Variants in PIGN observed in about 807,000 individuals in gnomAD.
PIGN encodes the protein GPI ethanolamine phosphate transferase 1.
In PIGN, 117 loss-of-function variants were observed where a neutral mutation model predicts 125.4. The ratio of observed to expected loss-of-function variants is 0.93; its 90% CI spans 0.80 to 1.09. The LOEUF (loss-of-function observed/expected upper bound fraction) is 1.09, where lower values mean the gene tolerates loss of function less well. Among genes scored for constraint, PIGN ranks in the 50% least tolerant of loss-of-function variants. The pLI, the probability that PIGN is intolerant of heterozygous loss-of-function variation, is 0.00. For synonymous variants in PIGN, 392 were observed against 377.8 expected, an observed-to-expected ratio of 1.04 and a Z score of -0.44; for missense variants, 1,075 against 1,094.9, an observed-to-expected ratio of 0.98 and a Z score of 0.26.
rs116724900 is a variant in PIGN at position 62,054,972 on chromosome 18, T to C, written c.2673-8993A>G. On this transcript the variant is annotated intron_variant, in intron 30 of 30. Coordinates refer to ENST00000640252, the MANE Select transcript of PIGN (RefSeq NM_176787.5). ...AAGTGTTCAACATCATTAACTATTATGCAAGTTGAAGCCAAAATGAGATAT... is the reference window on the plus strand; with the variant it reads ...AAGTGTTCAACATCATTAACTATTACGCAAGTTGAAGCCAAAATGAGATAT... Among the ~76,000 whole-genome samples, 151 of 152,322 alleles carry C rather than the reference T, an allele frequency of 9.9e-4. 1 individual carries two copies. Among genetic ancestry groups the C allele is most frequent in the African/African-American group, 3.5e-3 (144 of 41,572 alleles).
chr18:62,132,306 C>G (rs890257887), intron 14 of PIGN, among the ~76,000 whole-genome samples: 1 of 152,040 alleles, frequency 6.6e-6, no homozygotes, highest in Admixed American at 6.6e-5. Context: ...TCTGATAACA[C>G]CAAACATTAA....
In PIGN at chr18:62,164,877, T is replaced by C. The variant is rs141477751; in HGVS notation, c.-235-1221A>G. 1.6e-3 allele frequency among the ~76,000 whole-genome samples: 239 copies of C among 152,298 alleles called. 1 individual carries two copies. Among genetic ancestry groups the C allele is most frequent in the African/African-American group, 5.4e-3 (223 of 41,564 alleles). On this transcript the variant is annotated intron_variant, in intron 1 of 30. Transcript: ENST00000640252. ...AATAGGCCAAGAAAGAGATTATTGT[T>C]GATTAGTATAAATTAGTGCAGTGGA...
intron 30 of PIGN, among the ~76,000 whole-genome samples, chr18:62,068,077 G>T (rs897608849): frequency 4.7e-4 from 71 of 151,072 alleles, no homozygotes; most frequent in Non-Finnish European, 3.4e-4. Context: ...ATATATCATA[G>T]CAATGAAATT....
At chr18:62,113,556 C>T (rs534921309) in intron 15 of PIGN, among the ~76,000 whole-genome samples, 39 of 152,104 alleles carry the variant, frequency 2.6e-4, no homozygotes, top group African/African-American at 8.9e-4. Flanking sequence ...TAAATGTAAA[C>T]TATTTGTGTT....
At chr18:62,156,947 T>C (rs917645486) in intron 6 of PIGN, among the ~76,000 whole-genome samples, 182 bp downstream of exon 6, 1 of 151,986 alleles carries the variant, frequency 6.6e-6, no homozygotes, top group Non-Finnish European at 1.5e-5. Context: ...TGTGCCAATA[T>C]CTCAAGTATA....
intron 30 of PIGN, among the ~76,000 whole-genome samples, chr18:62,063,734 A>T (rs2032336794): frequency 6.6e-6 from 1 of 150,534 alleles, no homozygotes; most frequent in Non-Finnish European, 1.5e-5. Context: ...TACACCATGG[A>T]ATACTATGCA....
intron 10 of PIGN, among the ~76,000 whole-genome samples, chr18:62,144,083 G>C (rs1242987755): frequency 6.6e-6 from 1 of 152,042 alleles, no homozygotes; most frequent in Non-Finnish European, 1.5e-5. Context: ...CTAATCAGTT[G>C]ATGAAAAAAT....
At chr18:62,020,473 G>A (rs988483398) in intron 23 of PIGN, among the ~76,000 whole-genome samples, 2 of 150,964 alleles carry the variant, frequency 1.3e-5, no homozygotes, top group Non-Finnish European at 2.9e-5. Context: ...AAATGACAGA[G>A]ATGATGGGAT....
At chr18:62,150,109 G>A (rs772183273) in intron 7 of PIGN, among the ~76,000 whole-genome samples, 1 of 152,066 alleles carries the variant, frequency 6.6e-6, no homozygotes, top group East Asian at 1.9e-4. Flanking sequence ...AGCCTCCCAA[G>A]TAGCTGGGAT....
At chr18:62,032,372 T>C (rs2030204335) in intron 23 of PIGN, among the ~76,000 whole-genome samples, 1 of 152,242 alleles carries the variant, frequency 6.6e-6, no homozygotes, top group African/African-American at 2.4e-5. Context: ...AAGCTCTTCA[T>C]CCTTCTGCTT....
Position 62,138,279 on chromosome 18 carries a change from T to C in PIGN, c.1136A>G (p.Lys379Arg), listed in dbSNP as rs2036008120. 6.5e-7 allele frequency: 1 copy of C among 1,545,890 alleles called. No individual in the cohort carries two copies. Among genetic ancestry groups the C allele is most frequent in the Non-Finnish European group, 8.7e-7 (1 of 1,144,438 alleles). ...AAACAAAAATGGTAAAGTAACTTCT[T>C]TCTTCTGAGTCATTTTCACCTGGGA... ...EQFKVKMTQK[K>R]EVTLPFLFTP... is the part of the protein sequence containing the mutation. The change falls in exon 14 of 31, where the codon AAA (lysine) becomes AGA (arginine). Residue 379 changes from lysine (K) to arginine (R), a missense_variant. Lys to Arg is a conservative substitution (Grantham distance 26). This residue lies in a region of PIGN where 915 missense variants were observed against 908.7 expected (regional missense o/e 1.01). Coordinates refer to ENST00000640252, the MANE Select transcript of PIGN (RefSeq NM_176787.5).
chr18:62,088,643 G>A (rs187555710), intron 25 of PIGN, 113 bp downstream of exon 25: 19 of 663,490 alleles, frequency 2.9e-5, no homozygotes, highest in East Asian at 5.7e-5. Context: ...AGTTCAGGGA[G>A]GTTAAAGTAC....
intron 30 of PIGN, among the ~76,000 whole-genome samples, chr18:62,055,308 C>T (rs2031635887): frequency 6.6e-6 from 1 of 152,156 alleles, no homozygotes; most frequent in South Asian, 2.1e-4. Flanking sequence ...CATGGATTTA[C>T]TCAGCAATAA....
intron 1 of PIGN, among the ~76,000 whole-genome samples, chr18:62,181,896 T>C (rs1315685533): frequency 6.6e-6 from 1 of 152,038 alleles, no homozygotes; most frequent in African/African-American, 2.4e-5. Context: ...CCAGGTAATT[T>C]TGTATTTTTA....
intron 1 of PIGN, among the ~76,000 whole-genome samples, chr18:62,180,276 T>A (rs1375514332): frequency 6.6e-6 from 1 of 152,192 alleles, no homozygotes; most frequent in Admixed American, 6.5e-5. Context: ...AAAGTGTGTT[T>A]TTTTCCTGTG....
Position 62,143,361 on chromosome 18 carries a change from C to T in PIGN, c.923-15G>A, listed in dbSNP as rs1339872022. 1 of 1,470,488 alleles carries T rather than the reference C, an allele frequency of 6.8e-7. No individual in the cohort carries two copies. Among genetic ancestry groups the T allele is most frequent in the Middle Eastern group, 1.7e-4 (1 of 5,768 alleles). 91.1% of individuals were successfully genotyped at this position (1,470,488 alleles called of 1,614,324 possible). A position where few individuals can be genotyped will look rare whatever the true frequency, so the allele number is the denominator to read the frequency against. Reference sequence around the variant, plus strand: ...CAATCTCCACTCTGAAAGATACAATCAGACACAAGATCTGATGTTAAGATT... The same window carrying T: ...CAATCTCCACTCTGAAAGATACAATTAGACACAAGATCTGATGTTAAGATT... On this transcript the variant is annotated splice_polypyrimidine_tract_variant and intron_variant, in intron 10 of 30. Transcript: ENST00000640252.
intron 30 of PIGN, among the ~76,000 whole-genome samples, chr18:62,061,498 C>T (rs2032127663): frequency 1.7e-5 from 1 of 59,064 alleles, no homozygotes; most frequent in Non-Finnish European, 3.3e-5. Context: ...GGCGACAGAG[C>T]GAGACTCCGT....
At position 62,182,660 on chromosome 18, in the gene PIGN, C is replaced by T. The variant is rs555456508; in HGVS notation, c.-236+4184G>A. ...AACCCTTCTCTGATCCATTTCTTGCCATGTAGCCAGAGTATTACTTGCTTT... is the reference window on the plus strand; with the variant it reads ...AACCCTTCTCTGATCCATTTCTTGCTATGTAGCCAGAGTATTACTTGCTTT... On this transcript the variant is annotated intron_variant, in intron 1 of 30. Transcript: ENST00000640252. Among the ~76,000 whole-genome samples, 6 of 152,224 alleles carry T rather than the reference C, an allele frequency of 3.9e-5. No individual in the cohort carries two copies. In the East Asian group the frequency reaches 1.2e-3, roughly 29 times the overall value.
In PIGN at chr18:62,157,112, T is replaced by C. The variant is rs1394167762; in HGVS notation, c.442+17A>G. 4 of 1,381,688 alleles carry C rather than the reference T, an allele frequency of 2.9e-6. No homozygotes were observed. The highest frequency in any genetic ancestry group is 1.0e-6 in the Non-Finnish European group (1 of 982,884). 85.6% of individuals were successfully genotyped at this position (1,381,688 alleles called of 1,614,324 possible). A position where few individuals can be genotyped will look rare whatever the true frequency, so the allele number is the denominator to read the frequency against. On this transcript the variant is annotated intron_variant, in intron 6 of 30. Coordinates refer to ENST00000640252, the MANE Select transcript of PIGN (RefSeq NM_176787.5). The stretch of plus-strand genomic sequence containing the variant: ...TCCCTATTTACTATCTGAGGAAACA[T>C]AATCAGTGACTCTTACCTTTGGCAA...
Sources: allele counts gnomAD v4.1 joint callset (sites outside exome capture counted in the v4.1 genomes callset), GRCh38; gene constraint gnomAD v4.1.1; regional missense constraint gnomAD v4.1.1; transcripts MANE v1.5; gene names NCBI Gene and HGNC (gene_info 2026-07-23, HGNC 2026-07-21).